The following PHTF2 variants were observed in gnomAD, a reference collection of about 807,000 sequenced individuals.
PHTF2 encodes protein PHTF2.
A neutral mutation model predicts 101.2 loss-of-function variants in PHTF2; 60 were observed. The observed-to-expected ratio is 0.59, with a 90% CI of 0.48 to 0.73. The LOEUF is 0.73. PHTF2 is among the 30% of genes least tolerant of loss of function. PHTF2 has a pLI of 0.00. For missense variants in PHTF2, 747 were observed against 908.7 expected (o/e 0.82, Z 2.29); for synonymous variants, 311 against 307.3 (o/e 1.01, Z -0.13).
chr7:77,824,379 C>A (rs1794546394), intron 1 of PHTF2, among the ~76,000 whole-genome samples: 2 of 151,892 alleles, frequency 1.3e-5, no homozygotes, highest in Admixed American at 6.6e-5. Flanking sequence ...GGTATCCTCC[C>A]TTTACTTCCT....
chr7:77,855,882 C>T (rs908463473), intron 3 of PHTF2, among the ~76,000 whole-genome samples: 2 of 152,154 alleles, frequency 1.3e-5, no homozygotes, highest in Non-Finnish European at 2.9e-5. Context: ...GTTGACAATT[C>T]AAGACTGTCT....
chr7:77,940,151 C>T (rs1805518910), exon 14 of PHTF2: 6 of 1,613,794 alleles, frequency 3.7e-6, no homozygotes, highest in Non-Finnish European at 5.1e-6. Flanking sequence ...CAACTCACAG[C>T]ACATTCTGCT....
intron 2 of PHTF2, among the ~76,000 whole-genome samples, chr7:77,848,636 A>C (rs1310398506): frequency 6.6e-6 from 1 of 152,022 alleles, no homozygotes; most frequent in Non-Finnish European, 1.5e-5. Flanking sequence ...GTAGTTTGCA[A>C]ATATTTTCTA....
At chr7:77,879,181 G>A (rs759889920) in intron 3 of PHTF2, among the ~76,000 whole-genome samples, 4 of 152,056 alleles carry the variant, frequency 2.6e-5, no homozygotes, top group South Asian at 4.1e-4. Context: ...AACTTGATTC[G>A]GCTTTGAATT....
chr7:77,874,462 G>T (rs548294116), intron 3 of PHTF2, among the ~76,000 whole-genome samples: 3 of 152,058 alleles, frequency 2.0e-5, no homozygotes, highest in Admixed American at 6.5e-5. Context: ...ACAATAGACC[G>T]TCTGCAAGCT....
intron 11 of PHTF2, among the ~76,000 whole-genome samples, chr7:77,924,942 G>A (rs1422214863): frequency 6.6e-6 from 1 of 152,052 alleles, no homozygotes; most frequent in East Asian, 1.9e-4. Flanking sequence ...GTGTTCTGTT[G>A]GGAGGAATTA....
At chr7:77,924,252 C>T in intron 11 of PHTF2, 1 of 455,018 alleles carries the variant, frequency 2.2e-6, no homozygotes, top group East Asian at 1.5e-4. Context: ...TGTACTCTCT[C>T]CAATTGCTAG....
intron 6 of PHTF2, among the ~76,000 whole-genome samples, 185 bp downstream of exon 5, chr7:77,900,965 G>T (rs1801329834): frequency 6.6e-6 from 1 of 152,216 alleles, no homozygotes; most frequent in African/African-American, 2.4e-5. Context: ...AGAAATCACA[G>T]CACCAGCACC....
chr7:77,905,342 C>T (rs1423874398), intron 7 of PHTF2, among the ~76,000 whole-genome samples: 3 of 152,046 alleles, frequency 2.0e-5, no homozygotes, highest in Non-Finnish European at 4.4e-5. Flanking sequence ...CCTCCAGCCT[C>T]AGCCTCCCAA....
chr7:77,940,296 T>G lies in PHTF2; in HGVS notation c.1734T>G (p.Tyr578Ter). 1 of 1,610,148 alleles carries G rather than the reference T, an allele frequency of 6.2e-7. No individual in the cohort carries two copies. The highest frequency in any genetic ancestry group is 8.5e-7 in the Non-Finnish European group (1 of 1,178,496). The change falls in exon 14 of 20, where the codon TAT becomes TAG. Residue 578 changes from tyrosine (Y) to a stop codon, truncating the protein, a stop_gained. Coordinates refer to ENST00000416283, the Ensembl canonical transcript of PHTF2. LOFTEE classifies it high-confidence loss of function. ...TGCTCTGTGTAGCAGAAAGAACTTA[T>G]AAACAGGTGGGTATAATGTAGACTT...
chr7:77,855,736 G>A (rs1055781453), intron 3 of PHTF2, among the ~76,000 whole-genome samples: 8 of 152,114 alleles, frequency 5.3e-5, no homozygotes, highest in Non-Finnish European at 1.2e-4. Flanking sequence ...TCTGCCCCAT[G>A]TTGCTTTCCA....
intron 3 of PHTF2, among the ~76,000 whole-genome samples, chr7:77,881,514 G>A (rs1799413666): frequency 1.3e-5 from 1 of 74,708 alleles, no homozygotes; most frequent in Admixed American, 1.4e-4. Flanking sequence ...TCCAATGGCT[G>A]GTTTTGTTTT....
intron 3 of PHTF2, among the ~76,000 whole-genome samples, chr7:77,873,149 G>A (rs1157796468): frequency 6.6e-6 from 1 of 152,024 alleles, no homozygotes; most frequent in Non-Finnish European, 1.5e-5. Flanking sequence ...AGGTGGTCTC[G>A]ATCTCCTGAC....
At chr7:77,948,595 A>G (rs1319996237) in intron 16 of PHTF2, among the ~76,000 whole-genome samples, 1 of 152,176 alleles carries the variant, frequency 6.6e-6, no homozygotes, top group African/African-American at 2.4e-5. Flanking sequence ...TCAATAGGAA[A>G]AACGAACAAC....
At chr7:77,862,428 G>A (rs1797722103) in intron 3 of PHTF2, among the ~76,000 whole-genome samples, 7 of 152,128 alleles carry the variant, frequency 4.6e-5, no homozygotes, top group Admixed American at 3.9e-4. Context: ...TTGAAATACT[G>A]CAGTCATTTG....
chr7:77,819,245 GC>G (rs1480623283), intron 1 of PHTF2, among the ~76,000 whole-genome samples: 2 of 152,098 alleles, frequency 1.3e-5, no homozygotes, highest in African/African-American at 4.8e-5. Flanking sequence ...TTGACTAATT[GC>G]TCCAACTAGG....
At chr7:77,874,056 A>G (rs1798737822) in intron 3 of PHTF2, among the ~76,000 whole-genome samples, 1 of 152,194 alleles carries the variant, frequency 6.6e-6, no homozygotes, top group African/African-American at 2.4e-5. Context: ...CTTAGGAGCA[A>G]CCAACCAACT....
At chr7:77,871,982 C>T (rs961030589) in intron 3 of PHTF2, among the ~76,000 whole-genome samples, 10 of 152,310 alleles carry the variant, frequency 6.6e-5, no homozygotes, top group Non-Finnish European at 1.3e-4. Context: ...CAAACCTCTG[C>T]CCTTTCCGTG....
intron 2 of PHTF2, among the ~76,000 whole-genome samples, chr7:77,846,517 C>T (rs767201816): frequency 3.3e-5 from 5 of 151,552 alleles, no homozygotes; most frequent in Non-Finnish European, 5.9e-5. Context: ...GGGTGAGGCA[C>T]TGTTGCCTGA....
Sources: gnomAD v4.1 joint callset for allele counts (sites outside exome capture counted in the v4.1 genomes callset) on GRCh38, gnomAD v4.1.1 for gene constraint, MANE v1.5 for transcripts, NCBI Gene and HGNC (gene_info 2026-07-23, HGNC 2026-07-21) for gene names.